PCDHA3: variants seen among roughly 807,000 people sequenced by gnomAD.
PCDHA3 encodes the protein protocadherin alpha-3.
PCDHA3 carries 41 observed loss-of-function variants against 62.2 expected under a neutral mutation model. That is an observed-to-expected ratio of 0.66 (90% CI 0.51 to 0.86). The LOEUF (loss-of-function observed/expected upper bound fraction) is 0.86, where lower values mean the gene tolerates loss of function less well. Among genes scored for constraint, PCDHA3 ranks in the 40% least tolerant of loss-of-function variants. The pLI is 0.00. For synonymous variants in PCDHA3, 640 were observed against 555.4 expected (o/e 1.15, Z -2.14); for missense variants, 1,304 against 1,241.2 (o/e 1.05, Z -0.76).
chr5:140,955,049 G>T (rs2095130069), intron 1 of PCDHA3, among the ~76,000 whole-genome samples: 1 of 152,130 alleles, frequency 6.6e-6, no homozygotes, highest in Admixed American at 6.6e-5. Context: ...CTCATTGCTT[G>T]TTTTTGTCAG....
intron 1 of PCDHA3, chr5:140,926,630 C>T (rs754707244): frequency 6.0e-5 from 25 of 417,902 alleles, no homozygotes; most frequent in Non-Finnish European, 3.3e-5. Context: ...CGGCGCTGCG[C>T]TCCTCAACAC....
At chr5:140,882,577 C>A (rs370671644) in intron 1 of PCDHA3, 3 of 1,614,238 alleles carry the variant, frequency 1.9e-6, no homozygotes, top group South Asian at 2.2e-5. Flanking sequence ...CGGAGTGCAG[C>A]ATCCACCTGG....
chr5:140,836,650 A>T (rs1426602429), intron 1 of PCDHA3: 1 of 1,613,394 alleles, frequency 6.2e-7, no homozygotes, highest in African/African-American at 1.3e-5. Flanking sequence ...CAGAGGCGGC[A>T]GAGGGTGTGC....
intron 1 of PCDHA3, chr5:140,876,671 C>T (rs782473628): frequency 3.1e-6 from 5 of 1,614,212 alleles, no homozygotes; most frequent in Non-Finnish European, 2.5e-6. Flanking sequence ...CTGGTGTCCA[C>T]CTACAAGAAT....
chr5:140,929,499 C>G, intron 1 of PCDHA3: 1 of 980,264 alleles, frequency 1.0e-6, no homozygotes, highest in South Asian at 3.1e-5. Flanking sequence ...GAAGATTGCC[C>G]TAGGCCTCAA....
chr5:140,901,232 AT>A (rs2068522830), intron 1 of PCDHA3, among the ~76,000 whole-genome samples: 4 of 152,022 alleles, frequency 2.6e-5, no homozygotes, highest in East Asian at 1.9e-4. Context: ...CCATATATCC[AT>A]TTTTTTCCTT....
intron 1 of PCDHA3, among the ~76,000 whole-genome samples, chr5:140,909,749 C>T (rs141984152): frequency 6.6e-6 from 1 of 152,114 alleles, no homozygotes; most frequent in African/African-American, 2.4e-5. Context: ...GGGGAAATGA[C>T]CACAGGATGA....
At chr5:140,924,223 T>A (rs2081726593) in intron 1 of PCDHA3, among the ~76,000 whole-genome samples, 1 of 152,230 alleles carries the variant, frequency 6.6e-6, no homozygotes, top group South Asian at 2.1e-4. Context: ...ATAAGTTCAA[T>A]TTTTATGGGC....
intron 1 of PCDHA3, chr5:140,877,288 T>C (rs782747810): frequency 1.9e-6 from 3 of 1,613,908 alleles, no homozygotes; most frequent in Non-Finnish European, 2.5e-6. Context: ...CTATAACGCT[T>C]GGCTGTCCTA....
At chr5:140,887,994 C>T (rs1168995086) in intron 1 of PCDHA3, among the ~76,000 whole-genome samples, 1 of 152,016 alleles carries the variant, frequency 6.6e-6, no homozygotes, top group Non-Finnish European at 1.5e-5. Flanking sequence ...ATGTCTCCAC[C>T]GAATAGTCAT....
chr5:141,009,651 C>A lies in PCDHA3; in HGVS notation c.2567C>A (p.Pro856His). 1 of 1,613,950 alleles carries A rather than the reference C, an allele frequency of 6.2e-7. No individual in the cohort carries two copies. The highest frequency in any genetic ancestry group is 8.5e-7 in the Non-Finnish European group (1 of 1,179,936). Residue 856 changes from proline (P) to histidine (H), a missense_variant, in exon 4 of 4, where the codon CCT (proline) becomes CAT (histidine). By Grantham distance (77) the Pro-to-His change is moderately conservative. Coordinates refer to ENST00000522353, the MANE Select transcript of PCDHA3 (RefSeq NM_018906.3). Reference protein sequence around the residue: ...TPEPEAGEVSPPVGAGVNSNS... With the variant: ...TPEPEAGEVSHPVGAGVNSNS... ...GAACCAGAGGCAGGAGAAGTGTCCC[C>A]TCCAGTCGGTGCGGGTGTCAACAGC...
At chr5:140,880,688 A>T (rs1033069078) in intron 1 of PCDHA3, among the ~76,000 whole-genome samples, 2 of 152,224 alleles carry the variant, frequency 1.3e-5, no homozygotes, top group East Asian at 3.8e-4. Flanking sequence ...GAGAATAGTC[A>T]TGGTTAAGTG....
intron 3 of PCDHA3, among the ~76,000 whole-genome samples, chr5:141,000,552 C>T (rs2097946627): frequency 1.3e-5 from 2 of 149,102 alleles, no homozygotes; most frequent in Admixed American, 1.3e-4. Context: ...CTCAAACTCC[C>T]GAGTAGCTGG....
rs2150130181 is a variant in PCDHA3, at chr5:140,823,906, G to A, written c.2394+20315G>A. 215 of 1,613,906 alleles carry A rather than the reference G, an allele frequency of 1.3e-4. No homozygotes were observed. The highest frequency in any genetic ancestry group is 1.7e-4 in the Non-Finnish European group (199 of 1,179,958). On this transcript the variant is annotated intron_variant, in intron 1 of 3. Transcript: ENST00000522353. ...CATCTGTGCGGTGTCCAGCCTGCTGGTGCTCACGCTGCTGCTGTACACCGC... is the reference window on the plus strand; with the variant it reads ...CATCTGTGCGGTGTCCAGCCTGCTGATGCTCACGCTGCTGCTGTACACCGC...
At chr5:140,817,376 AT>A (rs1453715792) in intron 1 of PCDHA3, 10 of 152,282 alleles carry the variant, frequency 6.6e-5, no homozygotes, top group Admixed American at 6.5e-4. Flanking sequence ...TTCGGCACTT[AT>A]CACCATGGGA....
intron 1 of PCDHA3, among the ~76,000 whole-genome samples, chr5:140,905,387 G>T (rs1554192032): frequency 1.3e-5 from 2 of 152,138 alleles, no homozygotes; most frequent in African/African-American, 4.8e-5. Context: ...TGTTTCATAG[G>T]TCTGTGTGCC....
At chr5:140,994,733 C>G (rs2097647887) in intron 3 of PCDHA3, among the ~76,000 whole-genome samples, 1 of 152,034 alleles carries the variant, frequency 6.6e-6, no homozygotes, top group Non-Finnish European at 1.5e-5. Context: ...CTGGGTATTG[C>G]AGGATGGCAA....
chr5:140,825,535 C>T (rs1439548778), intron 1 of PCDHA3: 1 of 151,464 alleles, frequency 6.6e-6, no homozygotes, highest in Non-Finnish European at 1.5e-5. Flanking sequence ...AGCGATTCTC[C>T]TGCCTTATCT....
At chr5:140,846,407 C>G (rs1780453482) in intron 1 of PCDHA3, among the ~76,000 whole-genome samples, 4 of 124,998 alleles carry the variant, frequency 3.2e-5, no homozygotes, top group Admixed American at 1.8e-4. Context: ...CGGAGTCTCG[C>G]TCTATCTCCC....
Sources: gnomAD v4.1 joint callset for allele counts (sites outside exome capture counted in the v4.1 genomes callset) on GRCh38, gnomAD v4.1.1 for gene constraint, MANE v1.5 for transcripts, NCBI Gene and HGNC (gene_info 2026-07-23, HGNC 2026-07-21) for gene names.